Variants in MROH7 observed in about 807,000 individuals in gnomAD.
MROH7 encodes maestro heat-like repeat-containing protein family member 7.
A neutral mutation model predicts 129.2 loss-of-function variants in MROH7; 113 were observed. The observed-to-expected ratio is 0.87, with a 90% CI of 0.75 to 1.02. The LOEUF is 1.02. Among genes scored for constraint, MROH7 ranks in the 50% least tolerant of loss-of-function variants. The pLI is 0.00. For synonymous variants in MROH7, 655 were observed against 667.9 expected, an observed-to-expected ratio of 0.98 and a Z score of 0.30; for missense variants, 1,601 against 1,671.3, an observed-to-expected ratio of 0.96 and a Z score of 0.73.
chr1:54,694,539 T>C (rs969317393), intron 16 of MROH7, among the ~76,000 whole-genome samples: 2 of 152,194 alleles, frequency 1.3e-5, no homozygotes, highest in African/African-American at 4.8e-5. Flanking sequence ...CGGTGTTGGC[T>C]CACTGCAACC....
intron 3 of MROH7, among the ~76,000 whole-genome samples, chr1:54,660,519 A>C (rs558762657): frequency 6.6e-6 from 1 of 152,376 alleles, no homozygotes; most frequent in African/African-American, 2.4e-5. Flanking sequence ...ATCAGTTAAA[A>C]AAATTGTAGT....
intron 7 of MROH7, among the ~76,000 whole-genome samples, chr1:54,672,808 G>C (rs1234663599): frequency 6.6e-6 from 1 of 152,094 alleles, no homozygotes; most frequent in Non-Finnish European, 1.5e-5. Flanking sequence ...GTAGCCACCT[G>C]GTCCATGGTA....
At chr1:54,659,892 C>T (rs1484699042) in intron 3 of MROH7, among the ~76,000 whole-genome samples, 1 of 152,154 alleles carries the variant, frequency 6.6e-6, no homozygotes, top group African/African-American at 2.4e-5. Flanking sequence ...TTTGTTTATT[C>T]ATTCTGCTGC....
intron 10 of MROH7, 139 bp from the exon 11 acceptor site, chr1:54,678,603 A>G: frequency 1.6e-6 from 1 of 618,866 alleles, no homozygotes. Context: ...CTGCTTCTTG[A>G]CTTGGGGGCT....
At chr1:54,693,679 G>A (rs1484790249) in intron 16 of MROH7, among the ~76,000 whole-genome samples, 3 of 152,128 alleles carry the variant, frequency 2.0e-5, no homozygotes, top group African/African-American at 7.2e-5. Flanking sequence ...TCAAGAGGGA[G>A]CACCTTGATT....
rs902566824 is a variant in MROH7 at position 54,653,689 on chromosome 1, A to G, written c.763A>G (p.Ile255Val). The G allele has an allele frequency of 1.9e-6, 3 of 1,613,970 alleles. No individual in the cohort carries two copies. The highest frequency in any genetic ancestry group is 2.7e-5 in the African/African-American group (2 of 74,894). The stretch of plus-strand genomic sequence containing the variant: ...GACCATCACTTTGGCTTCACATAAT[A>G]TCTCTGAGTCTGTTTCAAAAGGAGC... ...NETITLASHN[I>V]SESVSKGAFS... The change falls in exon 3 of 24, where the codon ATC becomes GTC. Residue 255 changes from isoleucine to valine, a missense_variant. By Grantham distance (29) the Ile-to-Val change is conservative. Transcript: ENST00000421030.
chr1:54,674,998 C>A (rs1176954993), intron 10 of MROH7, among the ~76,000 whole-genome samples: 1 of 151,206 alleles, frequency 6.6e-6, no homozygotes, highest in African/African-American at 2.4e-5. Flanking sequence ...TTTTTTTTGA[C>A]AGAGTCTGGC....
Position 54,678,767 on chromosome 1 carries a change from CA to C in MROH7, c.1967del (p.Lys656ArgfsTer17). The C allele has an allele frequency of 6.2e-7, 1 of 1,613,964 alleles. No homozygotes were observed. Among genetic ancestry groups the C allele is most frequent in the Non-Finnish European group, 8.5e-7 (1 of 1,179,892 alleles). ...GAGCCAGAGATAAGGAAGAGACCAA[CA>C]AAAAGGAGCTATATGAGAGCAACAA... ...KRARDKEETNKKELYESNKHF... is the reference protein window; with the variant it reads ...KRARDKEETNXKELYESNKHF... On this transcript the variant is annotated frameshift_variant, in exon 11 of 24. Transcript: ENST00000421030. LOFTEE classifies it high-confidence loss of function.
Position 54,673,199 on chromosome 1 carries a change from G to T in MROH7, c.1695+13G>T. ...GAGCATCTTGGAGGTGCGGAGATGG[G>T]AGGGGCAAGGAAGGGAGGGGAGGAA... On this transcript the variant is annotated intron_variant, in intron 8 of 23. Transcript: ENST00000421030. The T allele has an allele frequency of 6.3e-7, 1 of 1,598,086 alleles. No individual in the cohort carries two copies. The highest frequency in any genetic ancestry group is 1.1e-5 in the South Asian group (1 of 90,200).
intron 1 of MROH7, among the ~76,000 whole-genome samples, chr1:54,646,450 A>G (rs1644468871): frequency 6.6e-6 from 1 of 152,170 alleles, no homozygotes; most frequent in East Asian, 1.9e-4. Flanking sequence ...GTGAGTGATG[A>G]AAAGAAAACT....
At chr1:54,660,523 T>C (rs1428203956) in intron 3 of MROH7, among the ~76,000 whole-genome samples, 5 of 152,132 alleles carry the variant, frequency 3.3e-5, no homozygotes, top group Non-Finnish European at 7.4e-5. Flanking sequence ...GTTAAAAAAA[T>C]TGTAGTCAGG....
At chr1:54,709,549 T>C (rs1317602084) in intron 23 of MROH7, among the ~76,000 whole-genome samples, 2 of 152,086 alleles carry the variant, frequency 1.3e-5, no homozygotes, top group African/African-American at 4.8e-5. Flanking sequence ...AGGTTTAGTA[T>C]AGCATTAAGT....
At chr1:54,646,221 G>A (rs551701101) in intron 1 of MROH7, among the ~76,000 whole-genome samples, 1 of 152,332 alleles carries the variant, frequency 6.6e-6, no homozygotes, top group South Asian at 2.1e-4. Context: ...AGAGATCCAG[G>A]GTTCTGCTGA....
intron 16 of MROH7, 148 bp downstream of exon 16, chr1:54,692,709 C>T: frequency 1.3e-6 from 1 of 795,298 alleles, no homozygotes; most frequent in East Asian, 2.7e-5. Flanking sequence ...AGGGTGCTGT[C>T]TTCCTTGGCA....
intron 16 of MROH7, among the ~76,000 whole-genome samples, chr1:54,694,390 G>A (rs1431430453): frequency 2.6e-5 from 4 of 152,214 alleles, no homozygotes; most frequent in South Asian, 4.1e-4. Flanking sequence ...AGTGTGCAAC[G>A]GAATTAACTG....
At chr1:54,687,045 C>CTTATTTAT (rs143476331) in intron 15 of MROH7, among the ~76,000 whole-genome samples, 1,928 of 145,598 alleles carry the variant, frequency 0.013, 23 homozygotes, top group Non-Finnish European at 0.018. Flanking sequence ...GAGCTGTCTC[C>CTTATTTAT]TTATTTATTT....
At position 54,701,181 on chromosome 1, in the gene MROH7, G is replaced by C; in HGVS notation, c.3144G>C (p.Lys1048Asn). Residue 1048 changes from lysine (K) to asparagine (N), a missense_variant, in exon 19 of 24, where the codon AAG (lysine) becomes AAC (asparagine). By Grantham distance (94) the Lys-to-Asn change is moderately conservative. Transcript: ENST00000421030. Reference sequence around the variant, plus strand: ...AGGCCCTCCTGCCCTCCATGGTGAAGGGCCTGAAGAACATGGATGGGATGC... The same window carrying C: ...AGGCCCTCCTGCCCTCCATGGTGAACGGCCTGAAGAACATGGATGGGATGC... Reference protein sequence around the residue: ...KVKALLPSMVKGLKNMDGMLV... With the variant: ...KVKALLPSMVNGLKNMDGMLV... 1 of 1,614,162 alleles carries C rather than the reference G, an allele frequency of 6.2e-7. No individual in the cohort carries two copies. The highest frequency in any genetic ancestry group is 8.5e-7 in the Non-Finnish European group (1 of 1,180,024).
Position 54,680,019 on chromosome 1 carries a change from G to A in MROH7, c.2355G>A (p.Leu785=). 6.2e-7 allele frequency: 1 copy of A among 1,613,998 alleles called. No homozygotes were observed. Among genetic ancestry groups the A allele is most frequent in the Non-Finnish European group, 8.5e-7 (1 of 1,179,970 alleles). Residue 785 remains leucine (L), a synonymous_variant, in exon 13 of 24, where the codon CTG becomes CTA. Transcript: ENST00000421030. ...TCATGACCGAGGTTGTGGTGGCCCT[G>A]CTCATGTGCCCCCTCCCACTGAACA... ...SSFMTEVVVA[L]LMCPLPLNSN...
chr1:54,685,325 T>C (rs1226021188), intron 14 of MROH7, among the ~76,000 whole-genome samples: 2 of 152,212 alleles, frequency 1.3e-5, no homozygotes, highest in Non-Finnish European at 1.5e-5. Flanking sequence ...CTGGCCTGCA[T>C]GGAGTCCTAA....
Sources: gnomAD v4.1 joint callset for allele counts (sites outside exome capture counted in the v4.1 genomes callset) on GRCh38, gnomAD v4.1.1 for gene constraint, MANE v1.5 for transcripts, NCBI Gene and HGNC (gene_info 2026-07-23, HGNC 2026-07-21) for gene names.